Variants in KCNQ1 observed in about 807,000 individuals in gnomAD.
KCNQ1 encodes potassium voltage-gated channel subfamily Q member 1.
In KCNQ1, 49 loss-of-function variants were observed where a neutral mutation model predicts 72.4. The ratio of observed to expected loss-of-function variants is 0.68; its 90% confidence interval spans 0.54 to 0.86. The LOEUF (loss-of-function observed/expected upper bound fraction) is 0.86, where lower values mean the gene tolerates loss of function less well. Among genes scored for constraint, KCNQ1 ranks in the 40% least tolerant of loss-of-function variants. KCNQ1 has a pLI of 0.00. For missense variants in KCNQ1, 790 were observed against 945.1 expected, an observed-to-expected ratio of 0.84 and a Z score of 2.15; for synonymous variants, 450 against 412.6, an observed-to-expected ratio of 1.09 and a Z score of -1.10.
At chr11:2,586,710 G>A (rs1236729525) in intron 8 of KCNQ1, among the ~76,000 whole-genome samples, 1 of 152,142 alleles carries the variant, frequency 6.6e-6, no homozygotes, top group East Asian at 1.9e-4. Context: ...CTGTCCCTGG[G>A]TGCTGGATGG....
Position 2,488,495 on chromosome 11 carries a change from T to C in KCNQ1, c.387-39433T>C, listed in dbSNP as rs986357211. Among the ~76,000 whole-genome samples, 1 of 152,214 alleles carries C rather than the reference T, an allele frequency of 6.6e-6. No homozygotes were observed. The highest frequency in any genetic ancestry group is 2.4e-5 in the African/African-American group (1 of 41,458). ...GCCATCAGGTCCAGGCTTTTCTTTG[T>C]TGAGAGTTTTTTGATTACTGATTCA... On this transcript the variant is annotated intron_variant, in intron 1 of 15. Transcript: ENST00000155840. This position sits in a 1 kb window ranked among gnomAD's most constrained non-coding sequence, Gnocchi z 5.1.
rs1277725930 is a variant in KCNQ1 at position 2,658,889 on chromosome 11, A to C, written c.1394-3072A>C. 1 of 398,310 alleles carries C rather than the reference A, an allele frequency of 2.5e-6. No homozygotes were observed. Among genetic ancestry groups the C allele is most frequent in the Non-Finnish European group, 4.4e-6 (1 of 226,030 alleles). The allele number at this position is 398,310 out of a possible 1,614,324, so 24.7% of individuals were successfully genotyped here. ...TTCATTTACTTATTTGTGTAACCCTATTGTACACGTAGTACCCTATGTGAA... is the reference window on the plus strand; with the variant it reads ...TTCATTTACTTATTTGTGTAACCCTCTTGTACACGTAGTACCCTATGTGAA... On this transcript the variant is annotated intron_variant, in intron 10 of 15. Transcript: ENST00000155840. This position sits in a 1 kb window ranked among gnomAD's most constrained non-coding sequence, Gnocchi z 4.9.
In KCNQ1 at chr11:2,588,845, G is replaced by T; in HGVS notation, c.1384G>T (p.Asp462Tyr). 6.2e-7 allele frequency: 1 copy of T among 1,612,026 alleles called. No individual in the cohort carries two copies. The highest frequency in any genetic ancestry group is 8.5e-7 in the Non-Finnish European group (1 of 1,179,832). ...GGACCACTTCTCTGTCGACGGCTAT[G>T]ACAGTTCTGGTGAGAACCCCTCAGG... ...RLDHFSVDGY[D>Y]SSVRKSPTLL... Residue 462 changes from aspartate to tyrosine, a missense_variant, in exon 10 of 16, where the codon GAC (aspartate) becomes TAC (tyrosine). Around this residue, in one of 5 missense-constraint regions of KCNQ1, gnomAD observed 178 missense variants for 177.9 expected, o/e 1.00. Coordinates refer to ENST00000155840, the MANE Select transcript of KCNQ1 (RefSeq NM_000218.3). The surrounding 1 kb of genome is among the most constrained non-coding windows in gnomAD (Gnocchi z 5.6).
At chr11:2,741,068 G>A (rs1005463762) in intron 11 of KCNQ1, among the ~76,000 whole-genome samples, 2 of 152,188 alleles carry the variant, frequency 1.3e-5, no homozygotes, top group Admixed American at 1.3e-4. Context: ...GGGGTGGGGG[G>A]TGTTCCTGTG....
intron 1 of KCNQ1, among the ~76,000 whole-genome samples, chr11:2,460,390 C>A (rs1846258373): frequency 6.6e-6 from 1 of 152,134 alleles, no homozygotes; most frequent in East Asian, 1.9e-4. Flanking sequence ...GAGCAGGTGC[C>A]CAAGCCCCCA....
chr11:2,713,998 T>TG lies in KCNQ1; in HGVS notation c.1514+51923dup, dbSNP rs1851048598. ...CAGGTGGCTGCCACTCAGGGGTGTG[T>TG]GGGGGGCGCCTTGGGGCACCCAGGC... On this transcript the variant is annotated intron_variant, in intron 11 of 15. Coordinates refer to ENST00000155840, the MANE Select transcript of KCNQ1 (RefSeq NM_000218.3). This position sits in a 1 kb window ranked among gnomAD's most constrained non-coding sequence, Gnocchi z 5.6. 6.6e-6 allele frequency among the ~76,000 whole-genome samples: 1 copy of TG among 152,058 alleles called. No homozygotes were observed. Among genetic ancestry groups the TG allele is most frequent in the South Asian group, 2.1e-4 (1 of 4,826 alleles).
intron 15 of KCNQ1, among the ~76,000 whole-genome samples, chr11:2,812,161 C>T (rs1239810583): frequency 1.3e-5 from 2 of 152,230 alleles, no homozygotes; most frequent in African/African-American, 4.8e-5. Context: ...GACGGCTGGT[C>T]CCCACACAAA....
intron 1 of KCNQ1, among the ~76,000 whole-genome samples, chr11:2,485,028 G>A (rs1320706532): frequency 6.6e-6 from 1 of 152,128 alleles, no homozygotes; most frequent in Non-Finnish European, 1.5e-5. Flanking sequence ...CCAGAGCCTG[G>A]CGCCTGTGCA....
chr11:2,707,936 G>A (rs1048748745), intron 11 of KCNQ1, among the ~76,000 whole-genome samples: 3 of 152,198 alleles, frequency 2.0e-5, no homozygotes, highest in Admixed American at 1.3e-4. Flanking sequence ...CTTGAGCGCC[G>A]AACCTGCATG....
At chr11:2,646,240 T>G (rs894687607) in intron 10 of KCNQ1, 26 of 398,560 alleles carry the variant, frequency 6.5e-5, no homozygotes, top group African/African-American at 4.5e-4. Context: ...TCAGCCATCT[T>G]GAAGCCCCTG....
chr11:2,755,148 T>C lies in KCNQ1; in HGVS notation c.1515-13696T>C, dbSNP rs542699274. Among the ~76,000 whole-genome samples the C allele has an allele frequency of 3.3e-5, 5 of 152,086 alleles. No homozygotes were observed. In the South Asian group the frequency reaches 1.0e-3, roughly 32 times the overall value. The stretch of plus-strand genomic sequence containing the variant: ...CCTTGGCCTTTAGCCCCTTCCTCTA[T>C]CTTCAGAGCCATCATGTTCCTCCTC... On this transcript the variant is annotated intron_variant, in intron 11 of 15. Coordinates refer to ENST00000155840, the MANE Select transcript of KCNQ1 (RefSeq NM_000218.3).
rs1377665190 is a variant in KCNQ1 at position 2,471,438 on chromosome 11, G to T, written c.386+25954G>T. 6.6e-6 allele frequency among the ~76,000 whole-genome samples: 1 copy of T among 152,204 alleles called. No individual in the cohort carries two copies. Among genetic ancestry groups the T allele is most frequent in the Non-Finnish European group, 1.5e-5 (1 of 68,038 alleles). ...ACACTCCACGGCACTAAAGTGTCAA[G>T]AGACCCAGGGGACCTGCGAGATCCA... On this transcript the variant is annotated intron_variant, in intron 1 of 15. Coordinates refer to ENST00000155840, the MANE Select transcript of KCNQ1 (RefSeq NM_000218.3). The surrounding 1 kb of genome is among the most constrained non-coding windows in gnomAD (Gnocchi z 4.8).
In KCNQ1 at chr11:2,494,024, C is replaced by T. The variant is rs112405725; in HGVS notation, c.387-33904C>T. Among the ~76,000 whole-genome samples the T allele has an allele frequency of 3.3e-5, 5 of 152,124 alleles. No individual in the cohort carries two copies. The highest frequency in any genetic ancestry group is 1.2e-4 in the African/African-American group (5 of 41,520). On this transcript the variant is annotated intron_variant, in intron 1 of 15. Transcript: ENST00000155840. This position sits in a 1 kb window ranked among gnomAD's most constrained non-coding sequence, Gnocchi z 4.6. ...TTTGTTTGTGTCCTTTCCTTTCCTT[C>T]AGCAGTGGTTTGTTGTTCTCCTTGA...
rs562297082 is a variant in KCNQ1 at position 2,699,485 on chromosome 11, CG to C, written c.1514+37408del. Reference sequence around the variant, plus strand: ...GGAGAGTGCCGCGCTGAGGAGCCCCCGGGGAGAGTGCCGCGCTGAGGAGCCC... The same window carrying C: ...GGAGAGTGCCGCGCTGAGGAGCCCCCGGGAGAGTGCCGCGCTGAGGAGCCC... On this transcript the variant is annotated intron_variant, in intron 11 of 15. Transcript: ENST00000155840. 9.3e-3 allele frequency: 3,252 copies of C among 350,156 alleles called. 81 individuals are homozygous for C. The highest frequency in any genetic ancestry group is 0.069 in the African/African-American group (2,730 of 39,316). 21.7% of individuals were successfully genotyped at this position (350,156 alleles called of 1,614,324 possible).
chr11:2,457,637 G>A lies in KCNQ1; in HGVS notation c.386+12153G>A, dbSNP rs73417589. Reference sequence around the variant, plus strand: ...CTGGGGAATACAAGAGTGGGGAGGGGGGAAGGGGAGCAAGGTTTGAAAAGT... The same window carrying A: ...CTGGGGAATACAAGAGTGGGGAGGGAGGAAGGGGAGCAAGGTTTGAAAAGT... On this transcript the variant is annotated intron_variant, in intron 1 of 15. Transcript: ENST00000155840. The surrounding 1 kb of genome is among the most constrained non-coding windows in gnomAD (Gnocchi z 5.0). 0.31 allele frequency among the ~76,000 whole-genome samples: 47,173 copies of A among 151,614 alleles called. 8,982 individuals carry two copies. The highest frequency in any genetic ancestry group is 0.52 in the African/African-American group (21,371 of 41,114).
rs1427801682 is a variant in KCNQ1, at chr11:2,659,572, G to A, written c.1394-2389G>A. The stretch of plus-strand genomic sequence containing the variant: ...GAGCAGAGTTACTATACACATTTAT[G>A]TACAGGTTTTTGCGAACATAAAAAT... On this transcript the variant is annotated intron_variant, in intron 10 of 15. Transcript: ENST00000155840. This position sits in a 1 kb window ranked among gnomAD's most constrained non-coding sequence, Gnocchi z 4.3. 7.5e-6 allele frequency: 3 copies of A among 398,534 alleles called. No homozygotes were observed. In the East Asian group the frequency reaches 1.1e-4, roughly 14 times the overall value. 24.7% of individuals were successfully genotyped at this position (398,534 alleles called of 1,614,324 possible).
At chr11:2,578,094 G>A (rs1342772185) in intron 6 of KCNQ1, among the ~76,000 whole-genome samples, 1 of 152,240 alleles carries the variant, frequency 6.6e-6, no homozygotes, top group East Asian at 1.9e-4. Context: ...GGGTCTCTAA[G>A]TCTGCAAGGG....
rs566249344 is a variant in KCNQ1 at position 2,795,266 on chromosome 11, G to A, written c.1794+17229G>A. On this transcript the variant is annotated intron_variant, in intron 15 of 15. Transcript: ENST00000155840. Reference sequence around the variant, plus strand: ...GGCCTTCGCCTCGGGCTGGAGCTCAGAGCAGTCCCTGCTGCTGCCAGACCT... The same window carrying A: ...GGCCTTCGCCTCGGGCTGGAGCTCAAAGCAGTCCCTGCTGCTGCCAGACCT... Among the ~76,000 whole-genome samples, 27 of 152,368 alleles carry A rather than the reference G, an allele frequency of 1.8e-4. No individual in the cohort carries two copies. In the South Asian group the frequency reaches 5.6e-3, roughly 32 times the overall value.
intron 10 of KCNQ1, chr11:2,646,396 T>A: frequency 2.5e-6 from 1 of 398,636 alleles, no homozygotes; most frequent in East Asian, 3.6e-5. Context: ...TATTTTATAG[T>A]TTTCATTGTG....
Sources: allele counts gnomAD v4.1 joint callset (sites outside exome capture counted in the v4.1 genomes callset), GRCh38; gene constraint gnomAD v4.1.1; regional missense constraint gnomAD v4.1.1; non-coding constraint Gnocchi (gnomAD v3.1); transcripts MANE v1.5; gene names NCBI Gene and HGNC (gene_info 2026-07-23, HGNC 2026-07-21).